Variants in DYNC1I1 observed in about 807,000 individuals in gnomAD.
DYNC1I1 encodes the protein dynein cytoplasmic 1 intermediate chain 1.
A neutral mutation model predicts 86.6 loss-of-function variants in DYNC1I1; 43 were observed. That is an observed-to-expected ratio of 0.50 (90% CI 0.39 to 0.64). The LOEUF (loss-of-function observed/expected upper bound fraction) is 0.64, where lower values mean the gene tolerates loss of function less well. Ranked by LOEUF, DYNC1I1 falls within the 30% of genes least tolerant of loss-of-function variation. DYNC1I1 has a pLI of 0.00. For synonymous variants in DYNC1I1, 262 were observed against 283.7 expected (o/e 0.92, Z 0.77); for missense variants, 604 against 788.8 (o/e 0.77, Z 2.81).
intron 15 of DYNC1I1, among the ~76,000 whole-genome samples, chr7:96,078,341 T>C (rs1790405068): frequency 6.6e-6 from 1 of 152,166 alleles, no homozygotes; most frequent in South Asian, 2.1e-4. Context: ...CAAAGTACAG[T>C]ATAAGAGACA....
intron 16 of DYNC1I1, among the ~76,000 whole-genome samples, chr7:96,104,111 C>CCCTT (rs1791179010): frequency 6.6e-6 from 1 of 152,028 alleles, no homozygotes; most frequent in Middle Eastern, 3.2e-3. Context: ...TGTAAAATAT[C>CCCTT]CCTTCTAGTA....
intron 11 of DYNC1I1, among the ~76,000 whole-genome samples, 168 bp downstream of exon 11, chr7:96,028,489 G>A (rs1163683018): frequency 6.6e-6 from 1 of 152,176 alleles, no homozygotes; most frequent in Non-Finnish European, 1.5e-5. Context: ...GATGAAGGAA[G>A]CACTGGCTTT....
intron 10 of DYNC1I1, among the ~76,000 whole-genome samples, chr7:95,999,225 T>C (rs1793951402): frequency 6.6e-6 from 1 of 152,238 alleles, no homozygotes; most frequent in African/African-American, 2.4e-5. Context: ...GTGTGGTCTT[T>C]CTCTTTTAAA....
chr7:95,882,226 C>T (rs1173635518), intron 6 of DYNC1I1, among the ~76,000 whole-genome samples: 1 of 152,092 alleles, frequency 6.6e-6, no homozygotes, highest in Admixed American at 6.5e-5. Context: ...AAATGCTTTT[C>T]TTTGAACTAT....
intron 16 of DYNC1I1, among the ~76,000 whole-genome samples, chr7:96,090,788 G>A (rs930153556): frequency 6.6e-6 from 1 of 152,130 alleles, no homozygotes; most frequent in Non-Finnish European, 1.5e-5. Context: ...CTACTTTGTC[G>A]ACTTCTTTGA....
chr7:95,776,376 A>G (rs1793841395), intron 1 of DYNC1I1, among the ~76,000 whole-genome samples: 1 of 152,100 alleles, frequency 6.6e-6, no homozygotes, highest in Non-Finnish European at 1.5e-5. Flanking sequence ...AACATCCTTG[A>G]TTCTTTGTTG....
At chr7:95,964,335 A>G (rs933066394) in intron 6 of DYNC1I1, among the ~76,000 whole-genome samples, 2 of 152,220 alleles carry the variant, frequency 1.3e-5, no homozygotes, top group Non-Finnish European at 2.9e-5. Context: ...TGTGGTTGTA[A>G]GCATCTATGA....
At chr7:96,011,846 AGATTGGCGTGTCTTTCT>A (rs1562971107) in intron 10 of DYNC1I1, among the ~76,000 whole-genome samples, 1 of 152,200 alleles carries the variant, frequency 6.6e-6, no homozygotes, top group Non-Finnish European at 1.5e-5. Flanking sequence ...CAAATATAAT[AGATTGGCGTGTCTTTCT>A]GAAGCTACGG....
At chr7:96,064,950 A>T (rs866696205) in intron 14 of DYNC1I1, among the ~76,000 whole-genome samples, 1 of 151,948 alleles carries the variant, frequency 6.6e-6, no homozygotes, top group Admixed American at 6.6e-5. Flanking sequence ...GCAGCCCTAG[A>T]CACACACTCA....
chr7:95,938,707 T>A (rs935887753), intron 6 of DYNC1I1, among the ~76,000 whole-genome samples: 11 of 152,154 alleles, frequency 7.2e-5, no homozygotes, highest in Non-Finnish European at 1.5e-5. Flanking sequence ...AGGTCATGTA[T>A]TGAAAGCTTT....
intron 6 of DYNC1I1, among the ~76,000 whole-genome samples, chr7:95,871,670 A>G (rs760839372): frequency 2.0e-5 from 3 of 152,230 alleles, no homozygotes; most frequent in Non-Finnish European, 4.4e-5. Context: ...AAGGGAAGAT[A>G]AATTAAGGAT....
chr7:96,007,232 G>A (rs1388130475), intron 10 of DYNC1I1, among the ~76,000 whole-genome samples: 1 of 152,124 alleles, frequency 6.6e-6, no homozygotes, highest in Non-Finnish European at 1.5e-5. Flanking sequence ...GACTCTGTGA[G>A]CCTCTCAGAC....
rs190604153 is a variant in DYNC1I1, at chr7:96,090,181, G to A, written c.1777-7302G>A. Among the ~76,000 whole-genome samples the A allele has an allele frequency of 1.2e-3, 190 of 152,246 alleles. 1 individual carries two copies. The highest frequency in any genetic ancestry group is 4.2e-3 in the African/African-American group (175 of 41,566). On this transcript the variant is annotated intron_variant, in intron 16 of 16. Transcript: ENST00000447467. ...AGGATGATAAGATTTTAATACAAAT[G>A]TGAAGAAGACTATTCATCTTTAGGT...
intron 10 of DYNC1I1, among the ~76,000 whole-genome samples, chr7:96,018,746 A>G (rs1584254307): frequency 6.6e-6 from 1 of 152,216 alleles, no homozygotes; most frequent in East Asian, 1.9e-4. Context: ...CCTTGAAGGA[A>G]ATTAAGGAAT....
intron 10 of DYNC1I1, among the ~76,000 whole-genome samples, chr7:96,023,459 T>G (rs1392140947): frequency 6.6e-6 from 1 of 152,072 alleles, no homozygotes; most frequent in Non-Finnish European, 1.5e-5. Flanking sequence ...GGCATCTGGG[T>G]CTGTGGTTAA....
intron 16 of DYNC1I1, among the ~76,000 whole-genome samples, chr7:96,086,462 A>T (rs1790682429): frequency 6.6e-6 from 1 of 152,222 alleles, no homozygotes. Context: ...GGAAACTTAA[A>T]AACCATGGTT....
At chr7:96,003,637 A>G (rs146892717) in intron 10 of DYNC1I1, among the ~76,000 whole-genome samples, 18 of 152,286 alleles carry the variant, frequency 1.2e-4, no homozygotes, top group African/African-American at 3.8e-4. Flanking sequence ...TCAGAAGGGC[A>G]ACACCCTCCC....
At chr7:95,837,940 A>T (rs982882088) in intron 5 of DYNC1I1, among the ~76,000 whole-genome samples, 22 of 152,194 alleles carry the variant, frequency 1.4e-4, no homozygotes, top group Non-Finnish European at 2.5e-4. Context: ...TGCGTCGCTC[A>T]CGCTGGGAAC....
At chr7:96,033,231 GA>G (rs1794854027) in intron 12 of DYNC1I1, among the ~76,000 whole-genome samples, 1 of 152,184 alleles carries the variant, frequency 6.6e-6, no homozygotes, top group South Asian at 2.1e-4. Context: ...CTGTGTGTAT[GA>G]AGAAACCATC....
Sources: allele counts gnomAD v4.1 joint callset (sites outside exome capture counted in the v4.1 genomes callset), GRCh38; gene constraint gnomAD v4.1.1; transcripts MANE v1.5; gene names NCBI Gene and HGNC (gene_info 2026-07-23, HGNC 2026-07-21).